IPO11: variants seen among roughly 807,000 people sequenced by gnomAD.
The protein encoded by IPO11 is importin-11.
In IPO11, 66 loss-of-function variants were observed where a neutral mutation model predicts 143.2. The ratio of observed to expected loss-of-function variants is 0.46; its 90% CI spans 0.38 to 0.57. IPO11 has a LOEUF of 0.57. Among genes scored for constraint, IPO11 ranks in the 20% least tolerant of loss-of-function variants. The pLI is 0.00. For missense variants in IPO11, 1,026 were observed against 1,141.0 expected (o/e 0.90, Z 1.45); for synonymous variants, 385 against 377.8 (o/e 1.02, Z -0.22).
chr5:62,604,399 C>T (rs1016929790), intron 29 of IPO11, among the ~76,000 whole-genome samples: 7 of 152,090 alleles, frequency 4.6e-5, no homozygotes, highest in East Asian at 1.9e-4. Context: ...TTAGTGGGCA[C>T]GGGGTTTTGC....
At chr5:62,515,799 G>A (rs1289446309) in intron 20 of IPO11, among the ~76,000 whole-genome samples, 1 of 151,668 alleles carries the variant, frequency 6.6e-6, no homozygotes, top group African/African-American at 2.4e-5. Context: ...TTGGTGGTCG[G>A]GGCTTTTCTG....
chr5:62,509,244 C>G (rs1011454554), intron 19 of IPO11, among the ~76,000 whole-genome samples: 1 of 151,880 alleles, frequency 6.6e-6, no homozygotes, highest in African/African-American at 2.4e-5. Flanking sequence ...AGTGAAAGAA[C>G]AAAATTAAAG....
Position 62,467,183 on chromosome 5 carries a change from A to C in IPO11, c.569A>C (p.Asp190Ala), listed in dbSNP as rs1471029992. 6.2e-6 allele frequency: 10 copies of C among 1,614,026 alleles called. No homozygotes were observed. The highest frequency in any genetic ancestry group is 8.5e-6 in the Non-Finnish European group (10 of 1,179,954). The change falls in exon 6 of 30, where the codon GAC becomes GCC. Residue 190 changes from aspartate to alanine, a missense_variant. Asp to Ala is a moderately radical substitution (Grantham distance 126, BLOSUM62 -2). This residue lies in a region of IPO11 where 429 missense variants were observed against 456.3 expected (regional missense o/e 0.94). Transcript: ENST00000325324. The stretch of plus-strand genomic sequence containing the variant: ...TGCTCTCTGTGGAATCACCACACAG[A>C]CACATTCCTGCAAGAAGTTTCTTCT... ...FACSLWNHHT[D>A]TFLQEVSSGN... is the part of the protein sequence containing the mutation.
intron 24 of IPO11, among the ~76,000 whole-genome samples, chr5:62,547,895 T>C (rs1032697158): frequency 4.6e-5 from 7 of 152,234 alleles, no homozygotes; most frequent in East Asian, 1.9e-4. Flanking sequence ...TAGATAGATA[T>C]ATAAGGTTTC....
At chr5:62,576,130 A>T (rs1744305621) in intron 27 of IPO11, 1 of 155,232 alleles carries the variant, frequency 6.4e-6, no homozygotes, top group Non-Finnish European at 1.5e-5. Flanking sequence ...TGTGTGCGTA[A>T]GCACATTTAT....
intron 1 of IPO11, among the ~76,000 whole-genome samples, chr5:62,430,810 T>A (rs1415772971): frequency 6.6e-6 from 1 of 151,590 alleles, no homozygotes; most frequent in African/African-American, 2.4e-5. Flanking sequence ...CCCGAGTAGC[T>A]GGGATTACAG....
At chr5:62,504,405 T>C (rs1481737214) in intron 16 of IPO11, among the ~76,000 whole-genome samples, 1 of 152,160 alleles carries the variant, frequency 6.6e-6, no homozygotes, top group East Asian at 1.9e-4. Context: ...TTTTCCTTCC[T>C]GGAAGGACCC....
intron 8 of IPO11, among the ~76,000 whole-genome samples, chr5:62,475,214 AT>A (rs1032201655): frequency 4.6e-5 from 7 of 151,848 alleles, no homozygotes; most frequent in Non-Finnish European, 7.4e-5. Context: ...GCCAAAATAG[AT>A]TTAAAAAAAA....
At chr5:62,581,792 G>A (rs963299752) in intron 27 of IPO11, among the ~76,000 whole-genome samples, 4 of 152,130 alleles carry the variant, frequency 2.6e-5, no homozygotes, top group Non-Finnish European at 4.4e-5. Context: ...TTTAGAGGAG[G>A]AGATATATGG....
rs537195396 is a variant in IPO11, at chr5:62,434,173, G to A, written c.-6-3101G>A. ...GGCCTTTTTTCTAGTTGTTTTCCCC[G>A]TCTGAAGCTCTGCCTTCTGATCCTT... is the stretch of plus-strand genomic sequence containing the variant. On this transcript the variant is annotated intron_variant, in intron 1 of 29. Coordinates refer to ENST00000325324, the MANE Select transcript of IPO11 (RefSeq NM_016338.5). Among the ~76,000 whole-genome samples, 5 of 152,020 alleles carry A rather than the reference G, an allele frequency of 3.3e-5. No homozygotes were observed. The East Asian group carries it at 5.8e-4, about 18-fold the overall frequency.
At chr5:62,593,141 A>C (rs201539969) in intron 28 of IPO11, among the ~76,000 whole-genome samples, 2 of 151,110 alleles carry the variant, frequency 1.3e-5, no homozygotes, top group Admixed American at 6.6e-5. Context: ...AGGGCACACC[A>C]AACAGTACAG....
intron 27 of IPO11, among the ~76,000 whole-genome samples, chr5:62,572,609 C>G (rs942204501): frequency 3.3e-5 from 5 of 150,776 alleles, no homozygotes; most frequent in African/African-American, 1.2e-4. Flanking sequence ...GAGGCAGGGT[C>G]TTACTCTGGT....
At chr5:62,602,645 C>T (rs918913506) in intron 29 of IPO11, among the ~76,000 whole-genome samples, 1 of 152,186 alleles carries the variant, frequency 6.6e-6, no homozygotes. Flanking sequence ...TTACACCTCG[C>T]ATTACAGCAC....
At chr5:62,460,821 C>T (rs1745331564) in intron 5 of IPO11, among the ~76,000 whole-genome samples, 1 of 152,022 alleles carries the variant, frequency 6.6e-6, no homozygotes, top group Non-Finnish European at 1.5e-5. Context: ...TTTTTAGAAT[C>T]ACATGTAGAA....
chr5:62,509,894 T>C (rs1248891824), intron 19 of IPO11, among the ~76,000 whole-genome samples: 1 of 152,220 alleles, frequency 6.6e-6, no homozygotes, highest in Non-Finnish European at 1.5e-5. Flanking sequence ...TGATTTCAGT[T>C]CTTTTGAATA....
Position 62,525,766 on chromosome 5 carries a change from G to A in IPO11, c.1897-376G>A, listed in dbSNP as rs554673072. Among the ~76,000 whole-genome samples the A allele has an allele frequency of 6.6e-5, 10 of 152,134 alleles. No individual in the cohort carries two copies. The South Asian group carries it at 2.1e-3, about 32-fold the overall frequency. On this transcript the variant is annotated intron_variant, in intron 20 of 29. Transcript: ENST00000325324. ...ACTTTACTGATGAACATTTAGGGTGGGTTCATTTTAGATTAATTATTTAGG... is the reference window on the plus strand; with the variant it reads ...ACTTTACTGATGAACATTTAGGGTGAGTTCATTTTAGATTAATTATTTAGG...
At chr5:62,428,296 C>T (rs1307317905) in intron 1 of IPO11, among the ~76,000 whole-genome samples, 1 of 152,040 alleles carries the variant, frequency 6.6e-6, no homozygotes, top group South Asian at 2.1e-4. Context: ...TCCTAAAGTG[C>T]TGAGATTCAG....
At chr5:62,426,029 C>A (rs1237619052) in intron 1 of IPO11, among the ~76,000 whole-genome samples, 1 of 152,102 alleles carries the variant, frequency 6.6e-6, no homozygotes, top group African/African-American at 2.4e-5. Context: ...CTCAGAGTCC[C>A]CTGGGTGAGG....
At chr5:62,597,677 T>G (rs1745275085) in intron 28 of IPO11, among the ~76,000 whole-genome samples, 1 of 152,230 alleles carries the variant, frequency 6.6e-6, no homozygotes, top group Non-Finnish European at 1.5e-5. Context: ...ACTTAAAATG[T>G]GTGAGGAAGA....
Sources: gnomAD v4.1 joint callset for allele counts (sites outside exome capture counted in the v4.1 genomes callset) on GRCh38, gnomAD v4.1.1 for gene constraint, gnomAD v4.1.1 regional missense constraint, MANE v1.5 for transcripts, NCBI Gene and HGNC (gene_info 2026-07-23, HGNC 2026-07-21) for gene names.